Variants in TTC29 observed in about 807,000 individuals in gnomAD.
TTC29 encodes the protein tetratricopeptide repeat protein 29.
In TTC29, 49 loss-of-function variants were observed where a neutral mutation model predicts 58.1. The observed-to-expected ratio is 0.84, with a 90% CI of 0.67 to 1.07. The LOEUF (loss-of-function observed/expected upper bound fraction) is 1.07. TTC29 is among the 50% of genes least tolerant of loss of function. TTC29 has a pLI of 0.00. For missense variants in TTC29, 582 were observed against 555.6 expected, an observed-to-expected ratio of 1.05 and a Z score of -0.48; for synonymous variants, 209 against 196.8, an observed-to-expected ratio of 1.06 and a Z score of -0.52.
chr4:146,910,068 G>T (rs2150285020), intron 4 of TTC29, among the ~76,000 whole-genome samples: 1 of 151,894 alleles, frequency 6.6e-6, no homozygotes, highest in South Asian at 2.1e-4. Context: ...AGAACAATTA[G>T]ATACCAAAAG....
intron 11 of TTC29, among the ~76,000 whole-genome samples, chr4:146,743,990 G>A (rs17021899): frequency 0.23 from 35,483 of 152,100 alleles, 4,717 homozygotes; most frequent in East Asian, 0.37. Flanking sequence ...AGGAGCAAAT[G>A]CCAGCAAACC....
intron 11 of TTC29, among the ~76,000 whole-genome samples, chr4:146,794,011 T>C (rs1013466083): frequency 2.6e-5 from 4 of 152,318 alleles, no homozygotes; most frequent in Non-Finnish European, 4.4e-5. Flanking sequence ...TATAATTGTG[T>C]GCCCAAACTT....
At chr4:146,861,283 A>C (rs1229436433) in intron 8 of TTC29, among the ~76,000 whole-genome samples, 1 of 152,158 alleles carries the variant, frequency 6.6e-6, no homozygotes, top group Non-Finnish European at 1.5e-5. Flanking sequence ...TCTCTTTCAA[A>C]TCTTAGGACC....
At chr4:146,762,533 T>C (rs1347214803) in intron 11 of TTC29, among the ~76,000 whole-genome samples, 1 of 151,972 alleles carries the variant, frequency 6.6e-6, no homozygotes, top group Non-Finnish European at 1.5e-5. Context: ...ACAGTAATTC[T>C]ATTAACTGGT....
chr4:146,784,004 TC>T (rs1321069796), intron 11 of TTC29, among the ~76,000 whole-genome samples: 3 of 151,758 alleles, frequency 2.0e-5, no homozygotes, highest in African/African-American at 7.3e-5. Context: ...TGAAATCGAT[TC>T]TTGTGAATTA....
chr4:146,720,966 T>C, intron 11 of TTC29, among the ~76,000 whole-genome samples: 1 of 152,134 alleles, frequency 6.6e-6, no homozygotes, highest in Admixed American at 6.6e-5. Context: ...GTGCAGTTTG[T>C]AATTGATTTC....
chr4:146,942,532 T>A, intron 2 of TTC29: 1 of 1,178,498 alleles, frequency 8.5e-7, no homozygotes, highest in Non-Finnish European at 1.2e-6. Flanking sequence ...ATAACTCATG[T>A]GAGGTTTGAA....
chr4:146,706,647 T>C lies in TTC29; in HGVS notation c.*511A>G, dbSNP rs1401653742. ...AAGTTGACATGGATAAGTTTTATTA[T>C]GTGCTATCAGCTAAAAGTATCATAA... On this transcript the variant is annotated 3_prime_UTR_variant, in exon 13 of 13. Transcript: ENST00000325106. 5 of 152,192 alleles carry C rather than the reference T, an allele frequency of 3.3e-5. No homozygotes were observed. The highest frequency in any genetic ancestry group is 7.3e-5 in the Non-Finnish European group (5 of 68,042). The allele number at this position is 152,192 out of a possible 1,614,324, so 9.4% of individuals were successfully genotyped here.
intron 2 of TTC29, among the ~76,000 whole-genome samples, chr4:146,941,362 C>T (rs984205241): frequency 1.3e-5 from 2 of 152,174 alleles, no homozygotes; most frequent in African/African-American, 2.4e-5. Flanking sequence ...TGAATATATT[C>T]AGCAGATATT....
At chr4:146,760,941 A>G (rs922101901) in intron 11 of TTC29, among the ~76,000 whole-genome samples, 15 of 151,282 alleles carry the variant, frequency 9.9e-5, no homozygotes, top group Non-Finnish European at 1.9e-4. Flanking sequence ...AGTGACCTGG[A>G]TGAGATTGGA....
At chr4:146,845,857 A>G (rs1325034237) in intron 8 of TTC29, among the ~76,000 whole-genome samples, 1 of 151,958 alleles carries the variant, frequency 6.6e-6, no homozygotes, top group Non-Finnish European at 1.5e-5. Context: ...TCTTTGTGCT[A>G]TTCTAGCACT....
chr4:146,926,457 C>T (rs1734937655), intron 4 of TTC29, among the ~76,000 whole-genome samples: 1 of 151,898 alleles, frequency 6.6e-6, no homozygotes, highest in Non-Finnish European at 1.5e-5. Flanking sequence ...CTGTGTAATA[C>T]AAAGGTTTTT....
intron 11 of TTC29, among the ~76,000 whole-genome samples, chr4:146,728,858 C>CATATATATAT (rs1344862897): frequency 4.9e-5 from 2 of 41,190 alleles, no homozygotes; most frequent in Non-Finnish European, 6.0e-5. Flanking sequence ...TATATATATA[C>CATATATATAT]ACATATATAT....
chr4:146,718,596 T>C (rs1743114808), intron 11 of TTC29, among the ~76,000 whole-genome samples: 1 of 152,222 alleles, frequency 6.6e-6, no homozygotes, highest in Non-Finnish European at 1.5e-5. Flanking sequence ...GAGTTTTTTA[T>C]ATGTTGGTTA....
chr4:146,917,777 C>T (rs899031385), intron 4 of TTC29, among the ~76,000 whole-genome samples: 10 of 147,474 alleles, frequency 6.8e-5, no homozygotes, highest in African/African-American at 2.2e-4. Context: ...AGTCACATAA[C>T]ATTTTAGCTT....
chr4:146,807,389 C>T (rs1012970837), intron 10 of TTC29, among the ~76,000 whole-genome samples: 2 of 152,054 alleles, frequency 1.3e-5, no homozygotes, highest in Admixed American at 1.3e-4. Flanking sequence ...TAAATAAGAT[C>T]AGAGAAGAAC....
intron 7 of TTC29, 33 bp downstream of exon 7, chr4:146,874,683 G>T (rs1450148325): frequency 1.3e-6 from 2 of 1,519,600 alleles, no homozygotes; most frequent in Non-Finnish European, 1.8e-6. Flanking sequence ...ACCCATTAAA[G>T]AAAGCAATGT....
At chr4:146,746,754 T>C (rs1745579610) in intron 11 of TTC29, among the ~76,000 whole-genome samples, 2 of 152,096 alleles carry the variant, frequency 1.3e-5, no homozygotes, top group African/African-American at 4.8e-5. Context: ...TTCTGCCCCA[T>C]ACAAGCATGA....
chr4:146,708,353 T>TAC (rs1554002757), intron 11 of TTC29, among the ~76,000 whole-genome samples: 2 of 19,802 alleles, frequency 1.0e-4, no homozygotes, highest in African/African-American at 1.8e-4. Context: ...TATATATATA[T>TAC]ATACACATGT....
Sources: gnomAD v4.1 joint callset for allele counts (sites outside exome capture counted in the v4.1 genomes callset) on GRCh38, gnomAD v4.1.1 for gene constraint, MANE v1.5 for transcripts, NCBI Gene and HGNC (gene_info 2026-07-23, HGNC 2026-07-21) for gene names.